Variants in MLPH observed in about 807,000 individuals in gnomAD.
The protein encoded by MLPH is melanophilin, also known as exophilin-3.
MLPH carries 51 observed loss-of-function variants against 72.1 expected under a neutral mutation model. The observed-to-expected ratio is 0.71, with a 90% CI of 0.56 to 0.89. MLPH has a LOEUF of 0.89. MLPH is among the 40% of genes least tolerant of loss of function. MLPH has a pLI of 0.00. For missense variants in MLPH, 743 were observed against 759.9 expected (o/e 0.98, Z 0.26); for synonymous variants, 301 against 310.1 (o/e 0.97, Z 0.31).
intron 6 of MLPH, among the ~76,000 whole-genome samples, chr2:237,524,117 C>T (rs12478122): frequency 0.1 from 15,618 of 151,688 alleles, 973 homozygotes; most frequent in South Asian, 0.22. Flanking sequence ...GTCAAATCCT[C>T]ATTGACAGGG....
intron 2 of MLPH, among the ~76,000 whole-genome samples, chr2:237,504,248 C>A (rs2106482146): frequency 6.6e-6 from 1 of 151,974 alleles, no homozygotes; most frequent in Admixed American, 6.6e-5. Flanking sequence ...TGGAGTTTTG[C>A]TCTTACTGCC....
chr2:237,508,273 G>A (rs1473837707), intron 2 of MLPH, among the ~76,000 whole-genome samples: 1 of 152,030 alleles, frequency 6.6e-6, no homozygotes, highest in Non-Finnish European at 1.5e-5. Flanking sequence ...CACTGTGCCT[G>A]GCTAATTTTT....
chr2:237,542,564 C>CA lies in MLPH; in HGVS notation c.1447-2dup, dbSNP rs1287366030. 5.0e-6 allele frequency: 8 copies of CA among 1,595,962 alleles called. No individual in the cohort carries two copies. In the East Asian group the frequency reaches 1.6e-4, roughly 32 times the overall value. On this transcript the variant is annotated splice_region_variant and splice_polypyrimidine_tract_variant and intron_variant, in intron 11 of 15. Transcript: ENST00000264605. ...GGGCCTTCTGTCTGCTGTCCTCTCG[C>CA]AGGTTTCAGACATTGAATCCAGGAT...
chr2:237,542,471 G>A, intron 11 of MLPH, 96 bp from the exon 12 acceptor site: 1 of 998,894 alleles, frequency 1.0e-6, no homozygotes, highest in Non-Finnish European at 1.6e-6. Context: ...TTGGCTCCAG[G>A]ACTGAGCTGG....
chr2:237,519,987 C>G lies in MLPH; in HGVS notation c.633C>G (p.Ser211=), dbSNP rs780778910. The change falls in exon 6 of 16, where the codon TCC becomes TCG. Residue 211 remains serine (S), a synonymous_variant. Coordinates refer to ENST00000264605, the MANE Select transcript of MLPH (RefSeq NM_024101.7). The part of the protein sequence containing the change: ...SDDSTQPQGH[S]LHLSSVPEAR... ...ACTCCACTCAGCCTCAAGGTCACTC[C>G]CTGCACCTGTCCTCAGTCCCTGAGG... The G allele has an allele frequency of 5.0e-6, 8 of 1,613,900 alleles. No individual in the cohort carries two copies. The highest frequency in any genetic ancestry group is 6.8e-6 in the Non-Finnish European group (8 of 1,180,016).
intron 8 of MLPH, 58 bp from the exon 9 acceptor site, chr2:237,534,506 T>G (rs1215945744): frequency 1.6e-5 from 22 of 1,413,730 alleles, no homozygotes; most frequent in Non-Finnish European, 2.1e-5. Context: ...GGTGCCAGTG[T>G]CTTGCTGGTT....
At chr2:237,545,511 C>A (rs867306) in intron 12 of MLPH, 35,273 of 1,023,064 alleles carry the variant, frequency 0.034, 1,640 homozygotes, top group African/African-American at 0.22. Flanking sequence ...ACACACACAC[C>A]CTGACAGTGT....
At chr2:237,492,339 G>C (rs1384858510) in intron 1 of MLPH, among the ~76,000 whole-genome samples, 1 of 152,042 alleles carries the variant, frequency 6.6e-6, no homozygotes, top group African/African-American at 2.4e-5. Context: ...CTGCTCTGCT[G>C]AGCAGCTGAG....
upstream of MLPH, chr2:237,486,855 C>G (rs944308063): frequency 6.6e-6 from 1 of 152,190 alleles, no homozygotes; most frequent in Non-Finnish European, 1.5e-5. Flanking sequence ...CTCAGTTTCC[C>G]CATTTGTAAA....
chr2:237,495,990 C>G (rs950234727), intron 2 of MLPH, among the ~76,000 whole-genome samples: 1 of 152,206 alleles, frequency 6.6e-6, no homozygotes, highest in Non-Finnish European at 1.5e-5. Context: ...CCTCTCTTTC[C>G]CATTCTCTCT....
chr2:237,538,587 G>A (rs976855838), intron 9 of MLPH, among the ~76,000 whole-genome samples: 1 of 152,234 alleles, frequency 6.6e-6, no homozygotes, highest in African/African-American at 2.4e-5. Context: ...TTTTAAGGCC[G>A]CTGAGGGGGT....
At chr2:237,504,633 C>T (rs529551112) in intron 2 of MLPH, among the ~76,000 whole-genome samples, 78 of 152,360 alleles carry the variant, frequency 5.1e-4, no homozygotes, top group African/African-American at 1.8e-3. Flanking sequence ...CCCTGCATGA[C>T]CTCCACTCTG....
chr2:237,549,661 G>A (rs2080993406), intron 14 of MLPH, among the ~76,000 whole-genome samples: 1 of 152,132 alleles, frequency 6.6e-6, no homozygotes, highest in Admixed American at 6.5e-5. Flanking sequence ...CTGGACGAAC[G>A]GGATGTGAGG....
rs560048128 is a variant in MLPH at position 237,492,866 on chromosome 2, G to C, written c.-24-537G>C. Reference sequence around the variant, plus strand: ...GAGTCTCCCAACTTTTCCACCTAGTGGGTCAGTCATCCAGGCGTCCCTGCC... The same window carrying C: ...GAGTCTCCCAACTTTTCCACCTAGTCGGTCAGTCATCCAGGCGTCCCTGCC... On this transcript the variant is annotated intron_variant, in intron 1 of 15. Coordinates refer to ENST00000264605, the MANE Select transcript of MLPH (RefSeq NM_024101.7). 8.2e-4 allele frequency among the ~76,000 whole-genome samples: 125 copies of C among 152,272 alleles called. No homozygotes were observed. The Middle Eastern group carries it at 0.017, about 21-fold the overall frequency.
intron 6 of MLPH, among the ~76,000 whole-genome samples, chr2:237,522,713 G>A (rs368646200): frequency 4.6e-5 from 7 of 152,334 alleles, no homozygotes; most frequent in African/African-American, 1.4e-4. Flanking sequence ...GGGAGTCAGG[G>A]ATGGAGGCCG....
chr2:237,535,874 C>T (rs1207025843), intron 9 of MLPH, among the ~76,000 whole-genome samples: 1 of 152,174 alleles, frequency 6.6e-6, no homozygotes, highest in Non-Finnish European at 1.5e-5. Context: ...TTTAACACTC[C>T]ATGAGTAGGG....
At chr2:237,502,341 A>G (rs2079670026) in intron 2 of MLPH, among the ~76,000 whole-genome samples, 1 of 152,224 alleles carries the variant, frequency 6.6e-6, no homozygotes, top group African/African-American at 2.4e-5. Context: ...TCCCCAGAAG[A>G]GCCCAGAACT....
chr2:237,516,999 G>A (rs1475421857), intron 4 of MLPH, among the ~76,000 whole-genome samples: 1 of 89,930 alleles, frequency 1.1e-5, no homozygotes, highest in African/African-American at 7.2e-5. Context: ...GTAGGTGAGT[G>A]GATGGATGGA....
At position 237,525,528 on chromosome 2, in the gene MLPH, A is replaced by G. The variant is rs909567756; in HGVS notation, c.676-73A>G. The G allele has an allele frequency of 2.6e-6, 4 of 1,515,658 alleles. No individual in the cohort carries two copies. The African/African-American group carries it at 5.5e-5, about 21-fold the overall frequency. The allele number at this position is 1,515,658 out of a possible 1,614,324, so 93.9% of individuals were successfully genotyped here. A position where few individuals can be genotyped will look rare whatever the true frequency, so the allele number is the denominator to read the frequency against. ...CTGGAAAGCCTCAGGGCTTGGATTGAAAGACCCACATTCCAGGCAGCGGCC... is the reference window on the plus strand; with the variant it reads ...CTGGAAAGCCTCAGGGCTTGGATTGGAAGACCCACATTCCAGGCAGCGGCC... On this transcript the variant is annotated intron_variant, in intron 6 of 15. Coordinates refer to ENST00000264605, the MANE Select transcript of MLPH (RefSeq NM_024101.7).
Sources: gnomAD v4.1 joint callset for allele counts (sites outside exome capture counted in the v4.1 genomes callset) on GRCh38, gnomAD v4.1.1 for gene constraint, MANE v1.5 for transcripts, NCBI Gene and HGNC (gene_info 2026-07-23, HGNC 2026-07-21) for gene names.